Variants in MYB observed in about 807,000 individuals in gnomAD.
MYB encodes the protein transcriptional activator Myb.
In MYB, 28 loss-of-function variants were observed where a neutral mutation model predicts 92.9. The observed-to-expected ratio is 0.30, with a 90% CI of 0.22 to 0.41. MYB has a LOEUF of 0.41. Among genes scored for constraint, MYB ranks in the 10% least tolerant of loss-of-function variants. The pLI, the probability that MYB is intolerant of heterozygous loss-of-function variation, is 1.00. For synonymous variants in MYB, 295 were observed against 329.1 expected (o/e 0.90, Z 1.12); for missense variants, 679 against 929.3 (o/e 0.73, Z 3.50).
chr6:135,210,611 T>A (rs1478469410), intron 15 of MYB, among the ~76,000 whole-genome samples: 1 of 152,212 alleles, frequency 6.6e-6, no homozygotes, highest in African/African-American at 2.4e-5. Context: ...CTGAGCAGTA[T>A]AATAAACAAG....
Position 135,189,864 on chromosome 6 carries a change from C to G in MYB, c.287C>G (p.Thr96Ser). The G allele has an allele frequency of 6.2e-7, 1 of 1,613,888 alleles. No homozygotes were observed. The highest frequency in any genetic ancestry group is 8.5e-7 in the Non-Finnish European group (1 of 1,179,848). Residue 96 changes from threonine (T) to serine (S), a missense_variant, in exon 4 of 16, where the codon ACC becomes AGC. By Grantham distance (58) the Thr-to-Ser change is moderately conservative. This residue lies in a region of MYB where 88 missense variants were observed against 145.6 expected (regional missense o/e 0.60). Transcript: ENST00000341911. Reference protein sequence around the residue: ...LNPELIKGPWTKEEDQRVIEL... With the variant: ...LNPELIKGPWSKEEDQRVIEL... ...CCTGAGCTCATCAAGGGTCCTTGGA[C>G]CAAAGAAGAAGATCAGAGAGTAAGT...
Position 135,182,241 on chromosome 6 carries a change from C to T in MYB, c.23+705C>T, listed in dbSNP as rs1775165924. On this transcript the variant is annotated intron_variant, in intron 1 of 15. Coordinates refer to ENST00000341911, the MANE Select transcript of MYB (RefSeq NM_001130173.2). The surrounding 1 kb of genome is among the most constrained non-coding windows in gnomAD (Gnocchi z 5.6). The stretch of plus-strand genomic sequence containing the variant: ...ACATGTCACTGCACTTAGGGAGGCT[C>T]GCCGGGAAGATGGGTGCAGTCCCTT... Among the ~76,000 whole-genome samples the T allele has an allele frequency of 6.6e-6, 1 of 152,168 alleles. No homozygotes were observed.
At position 135,195,738 on chromosome 6, in the gene MYB, C is replaced by T. The variant is rs759908136; in HGVS notation, c.949-10C>T. On this transcript the variant is annotated splice_polypyrimidine_tract_variant and intron_variant, in intron 8 of 15. Transcript: ENST00000341911. ...CTCTCTTTATTTCTACACCCTTCCCCCTTCCTTAGACACAGAACCACACAT... is the reference window on the plus strand; with the variant it reads ...CTCTCTTTATTTCTACACCCTTCCCTCTTCCTTAGACACAGAACCACACAT... 3 of 1,613,364 alleles carry T rather than the reference C, an allele frequency of 1.9e-6. No homozygotes were observed. The highest frequency in any genetic ancestry group is 1.7e-5 in the Admixed American group (1 of 60,010).
rs1236617928 is a variant in MYB, at chr6:135,182,163, G to C, written c.23+627G>C. On this transcript the variant is annotated intron_variant, in intron 1 of 15. Transcript: ENST00000341911. The surrounding 1 kb of genome is among the most constrained non-coding windows in gnomAD (Gnocchi z 5.6). ...GGTTCGAATCATTTTTCTCTGAAAG[G>C]CTTTTACTTCCACTGCAAACATTGC... Among the ~76,000 whole-genome samples the C allele has an allele frequency of 6.6e-6, 1 of 152,210 alleles. No individual in the cohort carries two copies. Among genetic ancestry groups the C allele is most frequent in the East Asian group, 1.9e-4 (1 of 5,198 alleles).
intron 15 of MYB, among the ~76,000 whole-genome samples, chr6:135,206,225 A>AAT (rs1554254479): frequency 2.3e-3 from 218 of 96,646 alleles, no homozygotes; most frequent in Non-Finnish European, 2.8e-3. Context: ...AAAAAAAAAA[A>AAT]AATAATAATA....
At chr6:135,194,071 T>A (rs1233245287) in intron 7 of MYB, among the ~76,000 whole-genome samples, 153 bp downstream of exon 7, 3 of 152,240 alleles carry the variant, frequency 2.0e-5, no homozygotes, top group African/African-American at 7.2e-5. Context: ...TCTATTAATC[T>A]TGTCTTCTAG....
intron 15 of MYB, among the ~76,000 whole-genome samples, chr6:135,217,401 G>A (rs189109564): frequency 6.6e-6 from 1 of 151,902 alleles, no homozygotes; most frequent in Non-Finnish European, 1.5e-5. Flanking sequence ...AAACTATACT[G>A]ATAAATATTT....
chr6:135,189,978 A>G, intron 4 of MYB, 95 bp downstream of exon 4: 1 of 1,430,476 alleles, frequency 7.0e-7, no homozygotes, highest in Non-Finnish European at 9.7e-7. Context: ...AAATGGGCAA[A>G]CAGGAAGTAG....
At chr6:135,211,837 T>C (rs753467209) in intron 15 of MYB, among the ~76,000 whole-genome samples, 2 of 152,250 alleles carry the variant, frequency 1.3e-5, no homozygotes, top group Non-Finnish European at 2.9e-5. Flanking sequence ...GATTATTTTC[T>C]ATAGAAAATC....
At position 135,193,928 on chromosome 6, in the gene MYB, T is replaced by C; in HGVS notation, c.843+10T>C. On this transcript the variant is annotated intron_variant, in intron 7 of 15. Transcript: ENST00000341911. ...TGCCGCAGCCATTCAGGTAAGATCATTGATCATTCACTGTTCAAAGCACCA... is the reference window on the plus strand; with the variant it reads ...TGCCGCAGCCATTCAGGTAAGATCACTGATCATTCACTGTTCAAAGCACCA... 1 of 1,584,792 alleles carries C rather than the reference T, an allele frequency of 6.3e-7. No homozygotes were observed. Among genetic ancestry groups the C allele is most frequent in the Non-Finnish European group, 8.7e-7 (1 of 1,153,474 alleles).
rs762214001 is a variant in MYB, at chr6:135,192,483, A to G, written c.687A>G (p.Thr229=). 6.2e-7 allele frequency: 1 copy of G among 1,614,248 alleles called. No homozygotes were observed. Among genetic ancestry groups the G allele is most frequent in the South Asian group, 1.1e-5 (1 of 91,088 alleles). The change falls in exon 6 of 16, where the codon ACA becomes ACG. Residue 229 remains threonine (T), a synonymous_variant. Coordinates refer to ENST00000341911, the MANE Select transcript of MYB (RefSeq NM_001130173.2). ...TGGGTTTTGCTCAGGCTCCGCCTAC[A>G]GCTCAACTCCCTGCCACTGGCCAGC... The part of the protein sequence containing the change: ...HLMGFAQAPP[T]AQLPATGQPT...
At chr6:135,196,208 C>G (rs1392498740) in intron 9 of MYB, among the ~76,000 whole-genome samples, 2 of 151,852 alleles carry the variant, frequency 1.3e-5, no homozygotes, top group Non-Finnish European at 1.5e-5. Context: ...TTTATAAATA[C>G]TTACAAAATA....
chr6:135,204,225 C>G (rs1173693966), intron 15 of MYB, among the ~76,000 whole-genome samples: 1 of 152,174 alleles, frequency 6.6e-6, no homozygotes, highest in African/African-American at 2.4e-5. Context: ...GATAGTTTCT[C>G]CTTCCAAATT....
At chr6:135,215,864 A>G (rs944469058) in intron 15 of MYB, among the ~76,000 whole-genome samples, 4 of 152,178 alleles carry the variant, frequency 2.6e-5, no homozygotes, top group Admixed American at 6.5e-5. Context: ...ACCTGCGCAC[A>G]CGGCCTGTTA....
intron 3 of MYB, among the ~76,000 whole-genome samples, chr6:135,188,602 C>T (rs544181917): frequency 2.6e-5 from 4 of 151,658 alleles, no homozygotes; most frequent in Admixed American, 2.0e-4. Flanking sequence ...CTCCGCCTCC[C>T]AGGTTCAAGC....
rs938233358 is a variant in MYB, at chr6:135,182,158, G to A, written c.23+622G>A. On this transcript the variant is annotated intron_variant, in intron 1 of 15. Transcript: ENST00000341911. The surrounding 1 kb of genome is among the most constrained non-coding windows in gnomAD (Gnocchi z 5.6). ...TTGGAGGTTCGAATCATTTTTCTCT[G>A]AAAGGCTTTTACTTCCACTGCAAAC... Among the ~76,000 whole-genome samples, 2 of 152,210 alleles carry A rather than the reference G, an allele frequency of 1.3e-5. No individual in the cohort carries two copies. The highest frequency in any genetic ancestry group is 2.9e-5 in the Non-Finnish European group (2 of 68,026).
At chr6:135,187,979 G>C (rs1209046721) in intron 3 of MYB, 74 bp downstream of exon 3, 14 of 1,116,950 alleles carry the variant, frequency 1.3e-5, no homozygotes, top group Non-Finnish European at 1.9e-5. Context: ...TCTAGGAGGA[G>C]TTATTAAGAT....
intron 15 of MYB, among the ~76,000 whole-genome samples, chr6:135,217,246 G>A (rs573722124): frequency 6.6e-6 from 1 of 152,162 alleles, no homozygotes; most frequent in Admixed American, 6.5e-5. Flanking sequence ...GCACGTGCCT[G>A]TAGTCCCAGC....
At chr6:135,209,237 TTTTTG>T (rs1228284362) in intron 15 of MYB, among the ~76,000 whole-genome samples, 21 of 152,086 alleles carry the variant, frequency 1.4e-4, no homozygotes, top group Non-Finnish European at 5.9e-5. Flanking sequence ...CAAATAATTT[TTTTTG>T]TTTTGTTTTG....
Sources: allele counts gnomAD v4.1 joint callset (sites outside exome capture counted in the v4.1 genomes callset), GRCh38; gene constraint gnomAD v4.1.1; regional missense constraint gnomAD v4.1.1; non-coding constraint Gnocchi (gnomAD v3.1); transcripts MANE v1.5; gene names NCBI Gene and HGNC (gene_info 2026-07-23, HGNC 2026-07-21).